Variants in CDH7 observed in about 807,000 individuals in gnomAD.
CDH7 encodes the protein cadherin-7.
In CDH7, 25 loss-of-function variants were observed where a neutral mutation model predicts 71.8. That is an observed-to-expected ratio of 0.35 (90% CI 0.25 to 0.49). The LOEUF is 0.49. CDH7 is among the 20% of genes least tolerant of loss of function. CDH7 has a pLI of 0.99. For synonymous variants in CDH7, 381 were observed against 363.8 expected, an observed-to-expected ratio of 1.05 and a Z score of -0.54; for missense variants, 862 against 974.6, an observed-to-expected ratio of 0.88 and a Z score of 1.54.
At chr18:65,799,211 A>T (rs946264183) in intron 2 of CDH7, among the ~76,000 whole-genome samples, 1 of 152,104 alleles carries the variant, frequency 6.6e-6, no homozygotes, top group African/African-American at 2.4e-5. Flanking sequence ...CCTGATGATC[A>T]AGATAGGTTA....
intron 6 of CDH7, among the ~76,000 whole-genome samples, chr18:65,834,525 A>T (rs1484693): frequency 0.75 from 113,933 of 152,172 alleles, 42,797 homozygotes; most frequent in East Asian, 0.96. Context: ...AAACTGTTTT[A>T]TTCTTCCAGA....
chr18:65,821,595 G>A (rs1911931688), intron 4 of CDH7, among the ~76,000 whole-genome samples: 1 of 152,222 alleles, frequency 6.6e-6, no homozygotes, highest in South Asian at 2.1e-4. Flanking sequence ...ATGTATGTGT[G>A]TGTTTGTGTT....
In CDH7 at chr18:65,885,040, T is replaced by C. The variant is rs1482263124; in HGVS notation, c.*4146T>C. 1 of 152,224 alleles carries C rather than the reference T, an allele frequency of 6.6e-6. No individual in the cohort carries two copies. The highest frequency in any genetic ancestry group is 1.5e-5 in the Non-Finnish European group (1 of 68,044). 9.4% of individuals were successfully genotyped at this position (152,224 alleles called of 1,614,324 possible). On this transcript the variant is annotated 3_prime_UTR_variant, in exon 12 of 12. Transcript: ENST00000397968. ...ATGTTTATTTTTTAATTATTAATAA[T>C]GTATATTGTGTGTATATATGACGGT... is the stretch of plus-strand genomic sequence containing the variant.
chr18:65,754,807 G>A (rs530317339), intron 1 of CDH7, among the ~76,000 whole-genome samples: 1 of 152,148 alleles, frequency 6.6e-6, no homozygotes, highest in Non-Finnish European at 1.5e-5. Context: ...ATGTTCACTG[G>A]GCTGTTGTTT....
intron 2 of CDH7, among the ~76,000 whole-genome samples, chr18:65,780,091 A>G (rs1201691997): frequency 9.5e-6 from 1 of 104,768 alleles, no homozygotes. Context: ...TTTTGGCTGC[A>G]TAAATGTCTT....
intron 6 of CDH7, among the ~76,000 whole-genome samples, chr18:65,831,725 T>C (rs967611560): frequency 6.6e-6 from 1 of 151,890 alleles, no homozygotes; most frequent in Non-Finnish European, 1.5e-5. Context: ...ATTCTTTCCC[T>C]ACCAGAAAGT....
chr18:65,863,612 G>T (rs1240153798), intron 11 of CDH7: 1 of 151,928 alleles, frequency 6.6e-6, no homozygotes, highest in African/African-American at 2.4e-5. Flanking sequence ...AGAAATTATG[G>T]CTTTATATTC....
At chr18:65,763,687 G>T (rs1205866997) in intron 2 of CDH7, among the ~76,000 whole-genome samples, 2 of 151,798 alleles carry the variant, frequency 1.3e-5, no homozygotes, top group African/African-American at 4.8e-5. Context: ...ACAGAAGTCA[G>T]TTAGAAATGA....
Position 65,841,627 on chromosome 18 carries a change from C to T in CDH7, c.982-2185C>T, listed in dbSNP as rs182820119. 3.2e-3 allele frequency among the ~76,000 whole-genome samples: 486 copies of T among 152,240 alleles called. 6 individuals are homozygous for T. Among genetic ancestry groups the T allele is most frequent in the African/African-American group, 0.011 (470 of 41,534 alleles). On this transcript the variant is annotated intron_variant, in intron 6 of 11. Transcript: ENST00000397968. ...AGATGCTTTTAGGTAAATGAGAATGCTTCAAGTGTCCCCAACATAAAGGTT... is the reference window on the plus strand; with the variant it reads ...AGATGCTTTTAGGTAAATGAGAATGTTTCAAGTGTCCCCAACATAAAGGTT...
chr18:65,763,277 G>A (rs919211833), intron 2 of CDH7, among the ~76,000 whole-genome samples: 1 of 152,144 alleles, frequency 6.6e-6, no homozygotes, highest in South Asian at 2.1e-4. Context: ...AGGGAATGAT[G>A]CTTCATTCCT....
intron 4 of CDH7, 48 bp downstream of exon 4, chr18:65,814,652 G>T: frequency 6.5e-7 from 1 of 1,539,398 alleles, no homozygotes; most frequent in Non-Finnish European, 8.8e-7. Flanking sequence ...TTTGTTTGCT[G>T]CTTAGAATTA....
In CDH7 at chr18:65,880,931, G is replaced by A; in HGVS notation, c.*37G>A. 6.6e-7 allele frequency: 1 copy of A among 1,524,910 alleles called. No homozygotes were observed. The allele number at this position is 1,524,910 out of a possible 1,614,324, so 94.5% of individuals were successfully genotyped here. On this transcript the variant is annotated 3_prime_UTR_variant, in exon 12 of 12. Transcript: ENST00000397968. ...TAATTCGAAATGTACTGAAGAAAAA[G>A]TAACAGCAAAAAATAAAATAAAATG... is the stretch of plus-strand genomic sequence containing the variant.
chr18:65,822,025 G>A, intron 4 of CDH7, 56 bp from the exon 5 acceptor site: 1 of 1,335,776 alleles, frequency 7.5e-7, no homozygotes. Context: ...AGTATTCTTT[G>A]TTAGTATAAA....
intron 11 of CDH7, among the ~76,000 whole-genome samples, chr18:65,873,150 A>G (rs951319291): frequency 6.6e-6 from 1 of 152,174 alleles, no homozygotes; most frequent in African/African-American, 2.4e-5. Flanking sequence ...TGTTTAAAAT[A>G]AATTATTGAA....
chr18:65,806,218 A>T (rs539465869), intron 2 of CDH7, among the ~76,000 whole-genome samples: 4 of 151,932 alleles, frequency 2.6e-5, no homozygotes, highest in Middle Eastern at 3.2e-3. Context: ...CCTCCTCCTC[A>T]GCTTATTTTT....
At chr18:65,842,267 T>C (rs1016822641) in intron 6 of CDH7, among the ~76,000 whole-genome samples, 1 of 152,048 alleles carries the variant, frequency 6.6e-6, no homozygotes, top group Non-Finnish European at 1.5e-5. Flanking sequence ...CTGGGAATAA[T>C]AGTGATGAAC....
At chr18:65,755,268 T>A (rs1915999519) in intron 1 of CDH7, among the ~76,000 whole-genome samples, 1 of 152,220 alleles carries the variant, frequency 6.6e-6, no homozygotes, top group African/African-American at 2.4e-5. Flanking sequence ...GGCATTTCAC[T>A]GGGAATCTGT....
chr18:65,847,854 C>T (rs988067524), intron 7 of CDH7, among the ~76,000 whole-genome samples: 1 of 152,066 alleles, frequency 6.6e-6, no homozygotes, highest in Admixed American at 6.6e-5. Context: ...GTACACTGTA[C>T]TGTCCTTTTG....
intron 11 of CDH7, among the ~76,000 whole-genome samples, chr18:65,876,584 T>A (rs963095056): frequency 6.6e-6 from 1 of 152,122 alleles, no homozygotes; most frequent in Admixed American, 6.6e-5. Flanking sequence ...CATCTTCCTG[T>A]CCCTACCCTC....
Sources: gnomAD v4.1 joint callset for allele counts (sites outside exome capture counted in the v4.1 genomes callset) on GRCh38, gnomAD v4.1.1 for gene constraint, MANE v1.5 for transcripts, NCBI Gene and HGNC (gene_info 2026-07-23, HGNC 2026-07-21) for gene names.